The following PTPRN2 variants were observed in gnomAD, a reference collection of about 807,000 sequenced individuals.
PTPRN2 encodes the protein protein tyrosine phosphatase receptor type N2.
Under a neutral mutation model 118.8 loss-of-function variants are expected in PTPRN2, and 74 were observed. The ratio of observed to expected loss-of-function variants is 0.62; its 90% CI spans 0.52 to 0.76. The LOEUF (loss-of-function observed/expected upper bound fraction) is 0.76, where lower values mean the gene tolerates loss of function less well. Ranked by LOEUF, PTPRN2 falls within the 30% of genes least tolerant of loss-of-function variation. The pLI is 0.00. For synonymous variants in PTPRN2, 641 were observed against 608.0 expected, an observed-to-expected ratio of 1.05 and a Z score of -0.80; for missense variants, 1,481 against 1,394.4, an observed-to-expected ratio of 1.06 and a Z score of -0.99.
At chr7:157,823,980 C>T (rs1807012646) in intron 12 of PTPRN2, among the ~76,000 whole-genome samples, 1 of 152,156 alleles carries the variant, frequency 6.6e-6, no homozygotes, top group Non-Finnish European at 1.5e-5. Flanking sequence ...CTTTTTCCTC[C>T]TTACTCTAGA....
chr7:158,277,536 C>T (rs765705650), intron 3 of PTPRN2, among the ~76,000 whole-genome samples: 5 of 152,176 alleles, frequency 3.3e-5, no homozygotes, highest in East Asian at 1.9e-4. Context: ...ACCTAACCCG[C>T]GCTCTCCCAA....
At chr7:157,644,792 T>C (rs1469201371) in intron 14 of PTPRN2, among the ~76,000 whole-genome samples, 1 of 129,996 alleles carries the variant, frequency 7.7e-6, no homozygotes, top group Non-Finnish European at 1.7e-5. Flanking sequence ...TGAAACTCCA[T>C]CTCAAAAAAC....
chr7:157,701,259 A>C (rs902434437), intron 12 of PTPRN2, among the ~76,000 whole-genome samples: 11 of 152,194 alleles, frequency 7.2e-5, no homozygotes, highest in African/African-American at 2.4e-4. Flanking sequence ...GGCATGTTTC[A>C]CAGGGGAGAG....
intron 3 of PTPRN2, among the ~76,000 whole-genome samples, chr7:158,243,894 A>C (rs1197308184): frequency 6.6e-6 from 1 of 152,114 alleles, no homozygotes; most frequent in Non-Finnish European, 1.5e-5. Context: ...TATTAATGAT[A>C]ATTACAAACT....
At chr7:157,616,853 A>G (rs1275955032) in intron 15 of PTPRN2, 3 of 130,442 alleles carry the variant, frequency 2.3e-5, no homozygotes, top group Non-Finnish European at 5.1e-5. Context: ...TTTGGGAGAG[A>G]AAAAAAAAAA....
chr7:157,718,413 C>G (rs767238505), intron 12 of PTPRN2, among the ~76,000 whole-genome samples: 3 of 152,230 alleles, frequency 2.0e-5, no homozygotes, highest in Non-Finnish European at 4.4e-5. Flanking sequence ...GCTGGAGGCA[C>G]AGTCTGATTC....
chr7:157,549,608 C>T (rs890394824), intron 21 of PTPRN2, among the ~76,000 whole-genome samples: 8 of 152,186 alleles, frequency 5.3e-5, no homozygotes, highest in South Asian at 2.1e-4. Context: ...ACCGATCTCA[C>T]GGCAGGTGAT....
At chr7:158,056,949 C>T (rs1255640943) in intron 11 of PTPRN2, among the ~76,000 whole-genome samples, 3 of 152,204 alleles carry the variant, frequency 2.0e-5, no homozygotes, top group Non-Finnish European at 4.4e-5. Context: ...CACAATGTCG[C>T]CCTTATCCGA....
chr7:158,374,672 T>C (rs7811672), intron 2 of PTPRN2, among the ~76,000 whole-genome samples: 3,369 of 152,096 alleles, frequency 0.022, 125 homozygotes, highest in African/African-American at 0.077. Context: ...ACACAGCAAG[T>C]GGACAGATGG....
At chr7:158,065,396 C>T (rs971341584) in intron 11 of PTPRN2, among the ~76,000 whole-genome samples, 1 of 152,226 alleles carries the variant, frequency 6.6e-6, no homozygotes, top group Non-Finnish European at 1.5e-5. Context: ...CAAAATGCAA[C>T]GTGCAGAATC....
intron 10 of PTPRN2, among the ~76,000 whole-genome samples, chr7:158,102,611 C>T (rs1290138204): frequency 1.3e-5 from 2 of 152,208 alleles, no homozygotes; most frequent in African/African-American, 4.8e-5. Flanking sequence ...AATCACAGAG[C>T]ATGCCCCATG....
intron 1 of PTPRN2, among the ~76,000 whole-genome samples, chr7:158,543,782 T>C (rs10266729): frequency 0.52 from 79,155 of 152,156 alleles, 20,923 homozygotes; most frequent in East Asian, 0.68. Flanking sequence ...CACACACAGT[T>C]GAGTCAATCT....
chr7:158,058,047 G>A (rs1251983553), intron 11 of PTPRN2, among the ~76,000 whole-genome samples: 1 of 152,330 alleles, frequency 6.6e-6, no homozygotes, highest in East Asian at 1.9e-4. Flanking sequence ...ATGATCTATT[G>A]TAAGTAAATC....
chr7:158,188,529 G>A (rs1203156437), intron 5 of PTPRN2, among the ~76,000 whole-genome samples: 40 of 62,288 alleles, frequency 6.4e-4, no homozygotes, highest in Non-Finnish European at 7.8e-4. Context: ...CGCCACGCTC[G>A]CCGCCTGATG....
At chr7:158,291,184 G>T (rs1185014842) in intron 3 of PTPRN2, among the ~76,000 whole-genome samples, 3 of 152,194 alleles carry the variant, frequency 2.0e-5, no homozygotes, top group Non-Finnish European at 4.4e-5. Context: ...TTTTCAAAAT[G>T]TACTCACCAG....
chr7:157,862,231 C>T (rs1273215809), intron 12 of PTPRN2, among the ~76,000 whole-genome samples: 1 of 152,252 alleles, frequency 6.6e-6, no homozygotes, highest in Non-Finnish European at 1.5e-5. Context: ...TGCAACAGTC[C>T]TATGTCCACG....
intron 2 of PTPRN2, among the ~76,000 whole-genome samples, chr7:158,340,095 T>A (rs202213225): frequency 1.2e-4 from 3 of 25,128 alleles, no homozygotes; most frequent in African/African-American, 3.3e-4. Context: ...CAGACGTCAC[T>A]CACACCCACA....
chr7:158,149,852 A>G lies in PTPRN2; in HGVS notation c.911-11337T>C, dbSNP rs546123168. 2.0e-5 allele frequency among the ~76,000 whole-genome samples: 3 copies of G among 152,292 alleles called. No individual in the cohort carries two copies. The East Asian group carries it at 5.8e-4, about 29-fold the overall frequency. On this transcript the variant is annotated intron_variant, in intron 6 of 22. Transcript: ENST00000389418. The stretch of plus-strand genomic sequence containing the variant: ...AAGTGATGTCTCTTGAAAAAACAAA[A>G]AAATTACTGTGGAATTTTTGGGATC...
At chr7:158,228,573 T>C (rs893946838) in intron 3 of PTPRN2, among the ~76,000 whole-genome samples, 2 of 151,354 alleles carry the variant, frequency 1.3e-5, no homozygotes, top group Non-Finnish European at 1.5e-5. Context: ...CACACAGCAC[T>C]GACACAATCC....
Sources: allele counts gnomAD v4.1 joint callset (sites outside exome capture counted in the v4.1 genomes callset), GRCh38; gene constraint gnomAD v4.1.1; transcripts MANE v1.5; gene names NCBI Gene and HGNC (gene_info 2026-07-23, HGNC 2026-07-21).